The following ATG7 variants were observed in gnomAD, a reference collection of about 807,000 sequenced individuals.
ATG7 encodes the protein ubiquitin-like modifier-activating enzyme ATG7.
ATG7 carries 70 observed loss-of-function variants against 82.4 expected under a neutral mutation model. That is an observed-to-expected ratio of 0.85 (90% confidence interval 0.70 to 1.04). ATG7 has a LOEUF of 1.04. Among genes scored for constraint, ATG7 ranks in the 50% least tolerant of loss-of-function variants. ATG7 has a pLI of 0.00. For missense variants in ATG7, 792 were observed against 864.3 expected (o/e 0.92, Z 1.05); for synonymous variants, 287 against 313.0 (o/e 0.92, Z 0.88).
At chr3:11,443,416 C>T (rs1433553707) in intron 20 of ATG7, among the ~76,000 whole-genome samples, 2 of 152,166 alleles carry the variant, frequency 1.3e-5, no homozygotes, top group Non-Finnish European at 2.9e-5. Flanking sequence ...GACAGGGTCT[C>T]ACCTTGTCAC....
chr3:11,320,987 G>A (rs937346511), intron 9 of ATG7, among the ~76,000 whole-genome samples: 15 of 152,320 alleles, frequency 9.8e-5, no homozygotes, highest in South Asian at 6.2e-4. Flanking sequence ...GGTTACTGGC[G>A]TGACAGGAGA....
At chr3:11,284,007 CAG>C (rs1462957939) in intron 3 of ATG7, among the ~76,000 whole-genome samples, 2 of 152,140 alleles carry the variant, frequency 1.3e-5, no homozygotes, top group Non-Finnish European at 2.9e-5. Flanking sequence ...ACAGAAAAAT[CAG>C]AGTGTGATAA....
At chr3:11,503,885 C>A (rs1203318182) in intron 20 of ATG7, among the ~76,000 whole-genome samples, 2 of 148,348 alleles carry the variant, frequency 1.3e-5, no homozygotes, top group Non-Finnish European at 3.0e-5. Context: ...AGCAAAAAGA[C>A]AAAGAAATGG....
intron 17 of ATG7, among the ~76,000 whole-genome samples, chr3:11,363,757 C>A (rs536511949): frequency 1.3e-5 from 2 of 152,148 alleles, no homozygotes; most frequent in East Asian, 1.9e-4. Flanking sequence ...AGCAGAAAAT[C>A]GAATTTTTGA....
chr3:11,440,793 C>T lies in ATG7; in HGVS notation c.2079+13867C>T, dbSNP rs1419844154. ...TTGCCTCCCGGGTTTAAGCTATTCT[C>T]CTGCCTCAGCCTCCCAAGCAGCTGG... On this transcript the variant is annotated intron_variant, in intron 20 of 20. Transcript: ENST00000693202. Among the ~76,000 whole-genome samples the T allele has an allele frequency of 4.9e-5, 7 of 142,356 alleles. No individual in the cohort carries two copies. In the South Asian group the frequency reaches 6.9e-4, roughly 14 times the overall value. The allele number at this position is 142,356 out of a possible 152,430, so 93.4% of individuals were successfully genotyped here. A position where few individuals can be genotyped will look rare whatever the true frequency, so the allele number is the denominator to read the frequency against.
chr3:11,511,553 G>C (rs1217286130), intron 20 of ATG7, among the ~76,000 whole-genome samples: 1 of 152,188 alleles, frequency 6.6e-6, no homozygotes, highest in Non-Finnish European at 1.5e-5. Flanking sequence ...TCCTGCACTG[G>C]GGCTGCAGGT....
At chr3:11,379,596 A>T (rs1368782276) in intron 18 of ATG7, among the ~76,000 whole-genome samples, 1 of 152,220 alleles carries the variant, frequency 6.6e-6, no homozygotes, top group Non-Finnish European at 1.5e-5. Flanking sequence ...CCCCATATTC[A>T]CTAGAACACA....
the ATG7 span, among the ~76,000 whole-genome samples, chr3:11,569,569 G>A: frequency 6.6e-6 from 1 of 152,376 alleles, no homozygotes; most frequent in Admixed American, 6.5e-5. Flanking sequence ...AGATTCAAAG[G>A]AGGAGGGGCC....
At chr3:11,480,826 C>G (rs1192933510) in intron 20 of ATG7, among the ~76,000 whole-genome samples, 1 of 152,194 alleles carries the variant, frequency 6.6e-6, no homozygotes, top group Non-Finnish European at 1.5e-5. Context: ...GGTGACAGCT[C>G]GGCAAGTAGC....
intron 14 of ATG7, among the ~76,000 whole-genome samples, chr3:11,351,737 A>C (rs1237171947): frequency 6.6e-6 from 1 of 152,236 alleles, no homozygotes; most frequent in African/African-American, 2.4e-5. Context: ...TACACAACCC[A>C]TCAAAGTACT....
At chr3:11,432,549 T>C (rs1252001492) in intron 20 of ATG7, among the ~76,000 whole-genome samples, 1 of 152,084 alleles carries the variant, frequency 6.6e-6, no homozygotes, top group East Asian at 1.9e-4. Flanking sequence ...GTGCTGTGTG[T>C]ACACTGCTTG....
At chr3:11,439,213 C>T (rs969080140) in intron 20 of ATG7, among the ~76,000 whole-genome samples, 10 of 151,704 alleles carry the variant, frequency 6.6e-5, no homozygotes, top group African/African-American at 1.9e-4. Context: ...GGACTACAGG[C>T]GCCCACCACC....
intron 20 of ATG7, among the ~76,000 whole-genome samples, chr3:11,547,808 G>A (rs930464932): frequency 2.0e-5 from 3 of 152,196 alleles, no homozygotes; most frequent in Non-Finnish European, 4.4e-5. Flanking sequence ...TTAGCAATTT[G>A]TGTCTTTTTC....
rs554233681 is a variant in ATG7, at chr3:11,372,505, G to C, written c.1876-7467G>C. The stretch of plus-strand genomic sequence containing the variant: ...TATATAGTAAAATGAACCCATTTTA[G>C]TATGATTTGACAAGTGTATACACTC... On this transcript the variant is annotated intron_variant, in intron 18 of 20. Transcript: ENST00000693202. Among the ~76,000 whole-genome samples the C allele has an allele frequency of 2.1e-4, 31 of 150,564 alleles. 2 individuals carry two copies. Among genetic ancestry groups the C allele is most frequent in the African/African-American group, 7.6e-4 (31 of 40,672 alleles).
intron 20 of ATG7, among the ~76,000 whole-genome samples, chr3:11,542,673 AC>A (rs1247026025): frequency 6.6e-6 from 1 of 151,082 alleles, no homozygotes; most frequent in Non-Finnish European, 1.5e-5. Flanking sequence ...GCTCTCAACC[AC>A]CCTCTGCTTC....
intron 20 of ATG7, among the ~76,000 whole-genome samples, chr3:11,488,915 C>T (rs1324717796): frequency 6.6e-6 from 1 of 152,160 alleles, no homozygotes; most frequent in African/African-American, 2.4e-5. Flanking sequence ...ATGCTGGCCT[C>T]ATAAAATGAA....
At chr3:11,529,136 C>G (rs1287560159) in intron 20 of ATG7, among the ~76,000 whole-genome samples, 1 of 151,986 alleles carries the variant, frequency 6.6e-6, no homozygotes, top group South Asian at 2.1e-4. Context: ...GGGAGGGGGA[C>G]GGGGCAAGGA....
At chr3:11,480,385 A>C (rs2088802044) in intron 20 of ATG7, among the ~76,000 whole-genome samples, 1 of 152,152 alleles carries the variant, frequency 6.6e-6, no homozygotes, top group Non-Finnish European at 1.5e-5. Context: ...AAAACATTTA[A>C]GATTGGCTGG....
At chr3:11,365,001 G>T (rs1347296134) in intron 18 of ATG7, among the ~76,000 whole-genome samples, 1 of 152,090 alleles carries the variant, frequency 6.6e-6, no homozygotes, top group Non-Finnish European at 1.5e-5. Context: ...AATAGGAACA[G>T]AAAAAACAGG....
Sources: allele counts gnomAD v4.1 joint callset (sites outside exome capture counted in the v4.1 genomes callset), GRCh38; gene constraint gnomAD v4.1.1; transcripts MANE v1.5; gene names NCBI Gene and HGNC (gene_info 2026-07-23, HGNC 2026-07-21).